SLC26A8: variants seen among roughly 807,000 people sequenced by gnomAD.
SLC26A8 encodes solute carrier family 26 member 8.
In SLC26A8, 70 loss-of-function variants were observed where a neutral mutation model predicts 105.0. That is an observed-to-expected ratio of 0.67 (90% CI 0.55 to 0.81). The LOEUF (loss-of-function observed/expected upper bound fraction) is 0.81, where lower values mean the gene tolerates loss of function less well. Ranked by LOEUF, SLC26A8 falls within the 40% of genes least tolerant of loss-of-function variation. The pLI is 0.00. For synonymous variants in SLC26A8, 415 were observed against 438.3 expected, an observed-to-expected ratio of 0.95 and a Z score of 0.66; for missense variants, 998 against 1,181.8, an observed-to-expected ratio of 0.84 and a Z score of 2.28.
intron 2 of SLC26A8, among the ~76,000 whole-genome samples, chr6:36,015,207 G>T (rs187700564): frequency 4.6e-5 from 7 of 151,346 alleles, no homozygotes; most frequent in African/African-American, 1.7e-4. Context: ...TTCCGGTCCT[G>T]GTTCAAGCAA....
chr6:35,946,397 C>T (rs986239022), intron 19 of SLC26A8, among the ~76,000 whole-genome samples: 16 of 152,062 alleles, frequency 1.1e-4, no homozygotes, highest in Non-Finnish European at 2.2e-4. Context: ...CCACCACACC[C>T]GACTAATTTT....
intron 16 of SLC26A8, among the ~76,000 whole-genome samples, chr6:35,956,262 C>T (rs546421613): frequency 4.2e-4 from 63 of 151,152 alleles, no homozygotes; most frequent in Non-Finnish European, 7.4e-4. Flanking sequence ...GAGACCCTGT[C>T]GTGCCCCCCT....
chr6:35,995,031 T>G (rs986489615), intron 5 of SLC26A8, among the ~76,000 whole-genome samples: 3 of 152,202 alleles, frequency 2.0e-5, no homozygotes, highest in African/African-American at 7.2e-5. Flanking sequence ...GAACCTCAGT[T>G]TCCTCATCTA....
At chr6:35,961,187 C>T (rs1772294883) in intron 12 of SLC26A8, 88 bp from the exon 13 acceptor site, 2 of 1,031,044 alleles carry the variant, frequency 1.9e-6, no homozygotes, top group South Asian at 1.5e-5. Flanking sequence ...CTCACCTTCA[C>T]CCTCTCCCTT....
At chr6:36,000,847 T>C (rs1159234086) in intron 3 of SLC26A8, among the ~76,000 whole-genome samples, 1 of 152,138 alleles carries the variant, frequency 6.6e-6, no homozygotes. Flanking sequence ...AAAAATAGAG[T>C]ATAATGAATT....
intron 14 of SLC26A8, 30 bp from the exon 15 acceptor site, chr6:35,959,836 A>G (rs960664378): frequency 1.4e-6 from 2 of 1,481,024 alleles, no homozygotes; most frequent in Non-Finnish European, 1.9e-6. Context: ...GTTGAGGGAA[A>G]TTTCTCAGTT....
In SLC26A8 at chr6:36,000,154, T is replaced by G. The variant is rs780262470; in HGVS notation, c.329-46A>C. On this transcript the variant is annotated intron_variant, in intron 3 of 19. Coordinates refer to ENST00000490799, the MANE Select transcript of SLC26A8 (RefSeq NM_052961.4). ...AGAAAAAGCAGCTTGTCTTTAAAAG[T>G]CACCTTAAATAAAAACTGTAAAGAA... The G allele has an allele frequency of 3.2e-6, 4 of 1,231,420 alleles. No individual in the cohort carries two copies. In the South Asian group the frequency reaches 4.9e-5, roughly 15 times the overall value. The allele number at this position is 1,231,420 out of a possible 1,614,324, so 76.3% of individuals were successfully genotyped here.
intron 17 of SLC26A8, among the ~76,000 whole-genome samples, chr6:35,954,168 G>A (rs1407827247): frequency 6.6e-6 from 1 of 152,172 alleles, no homozygotes; most frequent in Non-Finnish European, 1.5e-5. Flanking sequence ...CACTTAAACT[G>A]TCTGTACCAT....
chr6:35,965,037 C>T (rs1366000221), intron 11 of SLC26A8, among the ~76,000 whole-genome samples: 2 of 150,612 alleles, frequency 1.3e-5, no homozygotes, highest in East Asian at 1.9e-4. Context: ...ATGTAGACAA[C>T]CTAATTTTCC....
chr6:35,991,808 C>G lies in SLC26A8; in HGVS notation c.793G>C (p.Asp265His). The change falls in exon 7 of 20, where the codon GAC (aspartate) becomes CAC (histidine). Residue 265 changes from aspartate (D) to histidine (H), a missense_variant and splice_region_variant. Asp to His is a moderately conservative substitution (Grantham distance 81). Transcript: ENST00000490799. ...FHAGPISFFY[D>H]IINYCVALPK... ...AGAGCTACACAGTAATTAATTATGT[C>G]CTGAAAGAAAATAAAATTACGGAGG... 1 of 1,576,680 alleles carries G rather than the reference C, an allele frequency of 6.3e-7. No individual in the cohort carries two copies. Among genetic ancestry groups the G allele is most frequent in the Non-Finnish European group, 8.6e-7 (1 of 1,166,092 alleles).
chr6:35,963,002 T>C (rs1336828445), intron 11 of SLC26A8, among the ~76,000 whole-genome samples: 3 of 152,062 alleles, frequency 2.0e-5, no homozygotes, highest in African/African-American at 7.2e-5. Context: ...CCTCCTTAAT[T>C]TGCCAAAAAC....
intron 7 of SLC26A8, among the ~76,000 whole-genome samples, chr6:35,982,619 T>C (rs1417764209): frequency 6.6e-6 from 1 of 152,228 alleles, no homozygotes; most frequent in Non-Finnish European, 1.5e-5. Context: ...TAAAGGGTAT[T>C]TCAGAGTTTA....
At chr6:35,960,036 G>C in intron 14 of SLC26A8, 1 of 365,212 alleles carries the variant, frequency 2.7e-6, no homozygotes, top group East Asian at 6.9e-5. Flanking sequence ...AGCCTCTTGA[G>C]TAGCTGGGAT....
At chr6:35,968,607 GTGTATATATATA>G (rs1213928140) in intron 11 of SLC26A8, among the ~76,000 whole-genome samples, 77 of 47,034 alleles carry the variant, frequency 1.6e-3, no homozygotes, top group Middle Eastern at 0.014. Flanking sequence ...GTGTGTGTGT[GTGTATATATATA>G]TATATATATA....
chr6:35,989,433 T>A (rs1266752333), intron 7 of SLC26A8: 1 of 152,238 alleles, frequency 6.6e-6, no homozygotes, highest in Non-Finnish European at 1.5e-5. Context: ...TGTGTGTATC[T>A]CCGGGTTTGT....
intron 7 of SLC26A8, chr6:35,989,407 T>C (rs191611044): frequency 6.6e-6 from 1 of 152,362 alleles, no homozygotes; most frequent in East Asian, 1.9e-4. Flanking sequence ...TCCATCCATG[T>C]TGTACACACA....
In SLC26A8 at chr6:35,955,429, G is replaced by A; in HGVS notation, c.1955C>T (p.Thr652Ile). ...IHCSHFESMNTSQTASEDQVP... is the reference protein window; with the variant it reads ...IHCSHFESMNISQTASEDQVP... ...TTGGTCTTCGGATGCAGTTTGGCTT[G>A]TGTTCATGCTCTCAAAATGTGAGCA... Residue 652 changes from threonine to isoleucine, a missense_variant, in exon 17 of 20, where the codon ACA (threonine) becomes ATA (isoleucine). Coordinates refer to ENST00000490799, the MANE Select transcript of SLC26A8 (RefSeq NM_052961.4). The A allele has an allele frequency of 1.2e-6, 2 of 1,614,194 alleles. No individual in the cohort carries two copies. The highest frequency in any genetic ancestry group is 1.7e-6 in the Non-Finnish European group (2 of 1,180,046).
At chr6:35,999,920 T>C (rs1275792242) in intron 4 of SLC26A8, 72 bp downstream of exon 4, 7 of 1,004,996 alleles carry the variant, frequency 7.0e-6, no homozygotes, top group Non-Finnish European at 1.1e-5. Context: ...TTATGTTGGG[T>C]ACCTTAGCAA....
Position 35,943,657 on chromosome 6 carries a change from T to A in SLC26A8, c.*243A>T. On this transcript the variant is annotated 3_prime_UTR_variant, in exon 20 of 20. Transcript: ENST00000490799. ...GAAGGAAATTCATGACTAGAATATA[T>A]GCTGAAGGTGAAATGAGGGGAGCCT... The A allele has an allele frequency of 1.2e-5, 6 of 514,032 alleles. No homozygotes were observed. The South Asian group carries it at 1.7e-4, about 14-fold the overall frequency. The allele number at this position is 514,032 out of a possible 1,614,324, so 31.8% of individuals were successfully genotyped here.
Sources: gnomAD v4.1 joint callset for allele counts (sites outside exome capture counted in the v4.1 genomes callset) on GRCh38, gnomAD v4.1.1 for gene constraint, MANE v1.5 for transcripts, NCBI Gene and HGNC (gene_info 2026-07-23, HGNC 2026-07-21) for gene names.